FGD6: variants seen among roughly 807,000 people sequenced by gnomAD.
FGD6 encodes FYVE, RhoGEF and PH domain-containing protein 6.
Under a neutral mutation model 149.4 loss-of-function variants are expected in FGD6, and 90 were observed. The ratio of observed to expected loss-of-function variants is 0.60; its 90% CI spans 0.51 to 0.72. The LOEUF is 0.72. Among genes scored for constraint, FGD6 ranks in the 30% least tolerant of loss-of-function variants. The pLI is 0.00. For synonymous variants in FGD6, 527 were observed against 584.0 expected, an observed-to-expected ratio of 0.90 and a Z score of 1.41; for missense variants, 1,437 against 1,684.8, an observed-to-expected ratio of 0.85 and a Z score of 2.57.
chr12:95,151,990 C>G (rs960605117), intron 5 of FGD6, among the ~76,000 whole-genome samples: 1 of 151,958 alleles, frequency 6.6e-6, no homozygotes, highest in Non-Finnish European at 1.5e-5. Context: ...GAATATGCAC[C>G]CTGACACATA....
intron 2 of FGD6, among the ~76,000 whole-genome samples, chr12:95,204,201 G>C (rs2056680773): frequency 6.6e-6 from 1 of 152,074 alleles, no homozygotes; most frequent in South Asian, 2.1e-4. Context: ...GACCTATCTG[G>C]AACACCTAAA....
intron 14 of FGD6, among the ~76,000 whole-genome samples, chr12:95,097,743 T>A (rs1487908072): frequency 6.6e-6 from 1 of 151,320 alleles, no homozygotes; most frequent in African/African-American, 2.4e-5. Flanking sequence ...GATTTGTGAG[T>A]AACGCTGTGA....
intron 8 of FGD6, among the ~76,000 whole-genome samples, chr12:95,129,283 GCATCCATGCATC>G (rs1210683223): frequency 1.1e-5 from 1 of 88,128 alleles, no homozygotes; most frequent in Non-Finnish European, 2.5e-5. Flanking sequence ...ATGCATCTAT[GCATCCATGCATC>G]CATGCATGCA....
intron 3 of FGD6, among the ~76,000 whole-genome samples, chr12:95,166,918 A>ATGACCT (rs1880836670): frequency 7.1e-6 from 1 of 141,280 alleles, no homozygotes; most frequent in Non-Finnish European, 1.5e-5. Flanking sequence ...GTACAGTGGC[A>ATGACCT]TGACCTTGGC....
chr12:95,166,267 T>C lies in FGD6; in HGVS notation c.2586+6333A>G, dbSNP rs145904630. Among the ~76,000 whole-genome samples the C allele has an allele frequency of 2.5e-3, 378 of 152,344 alleles. 8 individuals are homozygous for C. The highest frequency in any genetic ancestry group is 0.024 in the East Asian group (124 of 5,186). On this transcript the variant is annotated intron_variant, in intron 3 of 20. Transcript: ENST00000343958. ...AGAAAGCCAAATTTGTGGCCCATCC[T>C]CAGCTAATGAATAGGACTACATGAT...
At chr12:95,105,695 A>G (rs1288493874) in intron 13 of FGD6, among the ~76,000 whole-genome samples, 1 of 152,218 alleles carries the variant, frequency 6.6e-6, no homozygotes, top group Non-Finnish European at 1.5e-5. Context: ...ACATTAATGC[A>G]TGAGTGAACA....
intron 2 of FGD6, among the ~76,000 whole-genome samples, chr12:95,183,341 T>A (rs1157996368): frequency 6.6e-6 from 1 of 152,206 alleles, no homozygotes; most frequent in African/African-American, 2.4e-5. Flanking sequence ...CACCCTCTTG[T>A]ATACAGCCTG....
intron 2 of FGD6, among the ~76,000 whole-genome samples, chr12:95,177,028 A>C (rs948277295): frequency 1.3e-5 from 2 of 152,032 alleles, no homozygotes; most frequent in Non-Finnish European, 2.9e-5. Flanking sequence ...GGGTTTCACC[A>C]TGTTGGCCAG....
rs751629206 is a variant in FGD6, at chr12:95,092,700, T to C, written c.3746A>G (p.Lys1249Arg). ...WRRHHCRACG[K>R]IVCQACSSNK... is the part of the protein sequence containing the mutation. ...GAGATGGGTGTTATCATCGCCAACC[T>C]TTCCACAGGCCCGGCAGTGGTGTCG... The change falls in exon 16 of 21, where the codon AAG (lysine) becomes AGG (arginine). Residue 1249 changes from lysine (K) to arginine (R), a missense_variant and splice_region_variant. By Grantham distance (26) the Lys-to-Arg change is conservative (BLOSUM62 2). This residue lies in a region of FGD6 where 382 missense variants were observed against 538.7 expected (regional missense o/e 0.71). Coordinates refer to ENST00000343958, the MANE Select transcript of FGD6 (RefSeq NM_018351.4). 5 of 1,613,870 alleles carry C rather than the reference T, an allele frequency of 3.1e-6. No homozygotes were observed. The highest frequency in any genetic ancestry group is 4.2e-6 in the Non-Finnish European group (5 of 1,179,954).
chr12:95,175,149 C>A (rs1592863863), intron 2 of FGD6, among the ~76,000 whole-genome samples: 1 of 152,022 alleles, frequency 6.6e-6, no homozygotes, highest in Admixed American at 6.6e-5. Context: ...AAACACAATG[C>A]CATGAAACAA....
chr12:95,165,423 T>C (rs1308251623), intron 3 of FGD6, among the ~76,000 whole-genome samples: 3 of 151,694 alleles, frequency 2.0e-5, no homozygotes, highest in African/African-American at 7.3e-5. Context: ...AACCTCCGCC[T>C]CCTGGGTTCA....
chr12:95,208,751 G>T, intron 2 of FGD6, 92 bp downstream of exon 2: 2 of 1,383,344 alleles, frequency 1.4e-6, no homozygotes, highest in Non-Finnish European at 1.9e-6. Flanking sequence ...CTTCAACCAC[G>T]TGTTTTTTTT....
chr12:95,202,645 C>T (rs940047882), intron 2 of FGD6, among the ~76,000 whole-genome samples: 3 of 151,970 alleles, frequency 2.0e-5, no homozygotes, highest in African/African-American at 7.3e-5. Context: ...CCTCCTGCCT[C>T]GGCCTCCCAA....
intron 12 of FGD6, among the ~76,000 whole-genome samples, chr12:95,107,284 C>A (rs1481500106): frequency 6.6e-6 from 1 of 152,132 alleles, no homozygotes; most frequent in Non-Finnish European, 1.5e-5. Context: ...TTTTTGAATT[C>A]TAAATCCCAC....
At chr12:95,166,901 G>C (rs1006416248) in intron 3 of FGD6, among the ~76,000 whole-genome samples, 2 of 148,402 alleles carry the variant, frequency 1.3e-5, no homozygotes, top group Non-Finnish European at 3.0e-5. Flanking sequence ...CTGTTGGCCA[G>C]GATGGAGTAC....
chr12:95,130,607 A>G (rs1361289588), intron 8 of FGD6, among the ~76,000 whole-genome samples: 1 of 152,184 alleles, frequency 6.6e-6, no homozygotes, highest in Non-Finnish European at 1.5e-5. Flanking sequence ...GACTGGGCCC[A>G]GTGGCTCAGG....
At chr12:95,116,723 T>C in intron 8 of FGD6, 1 of 418,368 alleles carries the variant, frequency 2.4e-6, no homozygotes, top group Admixed American at 2.7e-5. Flanking sequence ...CTTTATGGTC[T>C]ACAAAATCCA....
intron 8 of FGD6, chr12:95,116,735 C>G: frequency 2.3e-6 from 1 of 433,522 alleles, no homozygotes; most frequent in Non-Finnish European, 4.6e-6. Flanking sequence ...CAAAATCCAA[C>G]TCTCCAACTT....
chr12:95,185,882 G>A (rs1188862711), intron 2 of FGD6, among the ~76,000 whole-genome samples: 3 of 151,952 alleles, frequency 2.0e-5, no homozygotes, highest in Non-Finnish European at 2.9e-5. Context: ...TAAAAATTGA[G>A]ATAACATACC....
Sources: allele counts gnomAD v4.1 joint callset (sites outside exome capture counted in the v4.1 genomes callset), GRCh38; gene constraint gnomAD v4.1.1; regional missense constraint gnomAD v4.1.1; transcripts MANE v1.5; gene names NCBI Gene and HGNC (gene_info 2026-07-23, HGNC 2026-07-21).